Variants in SLF1 observed in about 807,000 individuals in gnomAD.
SLF1 encodes the protein SMC5-SMC6 complex localization factor protein 1.
SLF1 carries 105 observed loss-of-function variants against 123.0 expected under a neutral mutation model. That is an observed-to-expected ratio of 0.85 (90% confidence interval 0.73 to 1.00). The LOEUF (loss-of-function observed/expected upper bound fraction) is 1.00, where lower values mean the gene tolerates loss of function less well. Among genes scored for constraint, SLF1 ranks in the 50% least tolerant of loss-of-function variants. The probability of loss-of-function intolerance (pLI) is 0.00; values close to 1 mark genes in which losing one functional copy is unlikely to be tolerated. For synonymous variants in SLF1, 434 were observed against 406.6 expected (o/e 1.07, Z -0.81); for missense variants, 1,239 against 1,223.0 (o/e 1.01, Z -0.20).
intron 18 of SLF1, chr5:94,691,253 G>A: frequency 3.8e-6 from 1 of 261,630 alleles, no homozygotes; most frequent in East Asian, 9.7e-5. Context: ...ATCATTTGGG[G>A]GTTTTATAGC....
intron 4 of SLF1, among the ~76,000 whole-genome samples, chr5:94,642,565 C>T (rs929282485): frequency 3.9e-5 from 6 of 152,104 alleles, no homozygotes; most frequent in Admixed American, 2.6e-4. Flanking sequence ...CTTGTTACCT[C>T]GGTTTTCTGA....
chr5:94,651,546 A>C (rs796325250), intron 6 of SLF1, among the ~76,000 whole-genome samples, 156 bp from the exon 7 acceptor site: 4 of 152,320 alleles, frequency 2.6e-5, no homozygotes, highest in African/African-American at 7.2e-5. Flanking sequence ...GCTTTATCTT[A>C]CATAATTCAG....
At chr5:94,647,248 A>G (rs1747169065) in intron 5 of SLF1, among the ~76,000 whole-genome samples, 1 of 152,248 alleles carries the variant, frequency 6.6e-6, no homozygotes, top group Non-Finnish European at 1.5e-5. Context: ...GTGAAATACT[A>G]TTTAAGCATC....
rs1745123207 is a variant in SLF1 at position 94,630,874 on chromosome 5, A to G, written c.431+131A>G. 8.3e-6 allele frequency: 8 copies of G among 963,990 alleles called. No homozygotes were observed. In the South Asian group the frequency reaches 1.4e-4, roughly 17 times the overall value. 59.7% of individuals were successfully genotyped at this position (963,990 alleles called of 1,614,324 possible). A position where few individuals can be genotyped will look rare whatever the true frequency, so the allele number is the denominator to read the frequency against. On this transcript the variant is annotated intron_variant, in intron 4 of 20. Transcript: ENST00000265140. Reference sequence around the variant, plus strand: ...GGTGATTTACTCCAATCTCCTAGGTAAGCCATTATGCTCGTTTAGACTTAT... The same window carrying G: ...GGTGATTTACTCCAATCTCCTAGGTGAGCCATTATGCTCGTTTAGACTTAT...
chr5:94,671,148 T>TTATC (rs60728451), intron 14 of SLF1, 140 bp downstream of exon 14: 137,719 of 662,644 alleles, frequency 0.21, 15,870 homozygotes, highest in East Asian at 0.33. Context: ...TCTATTTAGT[T>TTATC]TAGTTTTAAG....
chr5:94,637,124 G>A (rs1745903186), intron 4 of SLF1, among the ~76,000 whole-genome samples: 1 of 152,146 alleles, frequency 6.6e-6, no homozygotes, highest in African/African-American at 2.4e-5. Flanking sequence ...CTTTGGAGGT[G>A]CCCTGATTCT....
At chr5:94,679,336 A>T (rs1215223414) in intron 15 of SLF1, among the ~76,000 whole-genome samples, 1 of 152,196 alleles carries the variant, frequency 6.6e-6, no homozygotes, top group Non-Finnish European at 1.5e-5. Flanking sequence ...TCACACCTGT[A>T]ATCCCAACCT....
chr5:94,637,521 G>A (rs1745949970), intron 4 of SLF1, among the ~76,000 whole-genome samples: 1 of 152,030 alleles, frequency 6.6e-6, no homozygotes, highest in Non-Finnish European at 1.5e-5. Flanking sequence ...CAAAGTTGCA[G>A]GTTGTACCCC....
At chr5:94,646,766 A>G (rs960991754) in intron 5 of SLF1, among the ~76,000 whole-genome samples, 3 of 152,192 alleles carry the variant, frequency 2.0e-5, no homozygotes, top group Non-Finnish European at 4.4e-5. Context: ...TAGCACTGTG[A>G]CCATAGGAAA....
At chr5:94,678,013 C>T (rs944388844) in intron 14 of SLF1, among the ~76,000 whole-genome samples, 1 of 151,990 alleles carries the variant, frequency 6.6e-6, no homozygotes, top group South Asian at 2.1e-4. Context: ...CTCCGCCTCC[C>T]GGGTTCACGC....
At chr5:94,642,077 A>C (rs1746512170) in intron 4 of SLF1, among the ~76,000 whole-genome samples, 1 of 151,998 alleles carries the variant, frequency 6.6e-6, no homozygotes, top group African/African-American at 2.4e-5. Flanking sequence ...TTTTATTTCC[A>C]CCCCTCCAAG....
intron 5 of SLF1, among the ~76,000 whole-genome samples, chr5:94,645,492 C>T (rs765424737): frequency 1.3e-5 from 2 of 152,034 alleles, no homozygotes; most frequent in African/African-American, 4.8e-5. Flanking sequence ...ATAGACCGCT[C>T]GGAATAGTTT....
chr5:94,674,795 G>T (rs1435776244), intron 14 of SLF1, among the ~76,000 whole-genome samples: 1 of 152,174 alleles, frequency 6.6e-6, no homozygotes, highest in Non-Finnish European at 1.5e-5. Context: ...GCAGAGGTGG[G>T]CTGTGTCAAG....
chr5:94,636,376 G>T (rs1745770338), intron 4 of SLF1, among the ~76,000 whole-genome samples: 1 of 151,964 alleles, frequency 6.6e-6, no homozygotes, highest in Non-Finnish European at 1.5e-5. Flanking sequence ...ATGCTTTCTG[G>T]TCCCTTTCCT....
intron 8 of SLF1, 61 bp from the exon 9 acceptor site, chr5:94,654,569 C>T: frequency 7.5e-7 from 1 of 1,341,432 alleles, no homozygotes; most frequent in Non-Finnish European, 9.9e-7. Context: ...TTTGTGATAT[C>T]ATCTGTGTTG....
intron 9 of SLF1, among the ~76,000 whole-genome samples, chr5:94,658,046 G>A (rs1309759218): frequency 6.6e-6 from 1 of 151,864 alleles, no homozygotes; most frequent in East Asian, 1.9e-4. Flanking sequence ...CTACATTCAA[G>A]GTTATTATGG....
At chr5:94,635,295 C>G (rs1376021017) in intron 4 of SLF1, among the ~76,000 whole-genome samples, 1 of 147,160 alleles carries the variant, frequency 6.8e-6, no homozygotes, top group Non-Finnish European at 1.5e-5. Context: ...TCTGTGTGTC[C>G]TCAGAGGTGA....
intron 15 of SLF1, among the ~76,000 whole-genome samples, chr5:94,680,587 T>C (rs1056967595): frequency 5.3e-5 from 8 of 152,214 alleles, no homozygotes; most frequent in African/African-American, 1.9e-4. Flanking sequence ...TAGTAGAGGA[T>C]TAGCAGTGGC....
intron 4 of SLF1, among the ~76,000 whole-genome samples, chr5:94,636,254 C>G (rs1745758718): frequency 6.6e-6 from 1 of 151,988 alleles, no homozygotes; most frequent in African/African-American, 2.4e-5. Flanking sequence ...TATTATATAC[C>G]TTGGTATACT....
Sources: allele counts gnomAD v4.1 joint callset (sites outside exome capture counted in the v4.1 genomes callset), GRCh38; gene constraint gnomAD v4.1.1; transcripts MANE v1.5; gene names NCBI Gene and HGNC (gene_info 2026-07-23, HGNC 2026-07-21).